The following ARHGAP26 variants were observed in gnomAD, a reference collection of about 807,000 sequenced individuals.
The protein encoded by ARHGAP26 is Rho GTPase activating protein 26.
ARHGAP26 carries 38 observed loss-of-function variants against 104.8 expected under a neutral mutation model. The observed-to-expected ratio is 0.36, with a 90% confidence interval of 0.28 to 0.48. The LOEUF is 0.48. Ranked by LOEUF, ARHGAP26 falls within the 20% of genes least tolerant of loss-of-function variation. The pLI is 0.99. For missense variants in ARHGAP26, 704 were observed against 947.9 expected (o/e 0.74, Z 3.38); for synonymous variants, 341 against 340.0 (o/e 1.00, Z -0.03).
intron 11 of ARHGAP26, among the ~76,000 whole-genome samples, chr5:142,954,084 A>G (rs1598376871): frequency 6.6e-6 from 1 of 152,334 alleles, no homozygotes; most frequent in South Asian, 2.1e-4. Flanking sequence ...GAGCTGTACA[A>G]ATATTATGCG....
chr5:143,028,322 C>T (rs1229547568), intron 12 of ARHGAP26, among the ~76,000 whole-genome samples: 1 of 152,170 alleles, frequency 6.6e-6, no homozygotes, highest in African/African-American at 2.4e-5. Context: ...AAAAACTTAG[C>T]AGAGATATTG....
chr5:143,227,096 A>G lies in ARHGAP26; in HGVS notation c.*4650A>G, dbSNP rs1046022371. 8.7e-6 allele frequency: 2 copies of G among 230,548 alleles called. No individual in the cohort carries two copies. The highest frequency in any genetic ancestry group is 2.2e-5 in the African/African-American group (1 of 45,166). 14.3% of individuals were successfully genotyped at this position (230,548 alleles called of 1,614,324 possible). A position where few individuals can be genotyped will look rare whatever the true frequency, so the allele number is the denominator to read the frequency against. ...CCCTGCCTGTCTGTTGGCACCTGTC[A>G]TCCTCTGGCTTCTGCTCCCAAAAGC... On this transcript the variant is annotated 3_prime_UTR_variant, in exon 23 of 23. Transcript: ENST00000645722.
At chr5:142,965,379 G>T (rs1164726295) in intron 11 of ARHGAP26, among the ~76,000 whole-genome samples, 24 of 152,198 alleles carry the variant, frequency 1.6e-4, no homozygotes, top group Non-Finnish European at 3.5e-4. Flanking sequence ...AGCGGGTATT[G>T]TTCCTTGACA....
chr5:143,171,374 G>A (rs566272367), intron 20 of ARHGAP26, among the ~76,000 whole-genome samples: 2 of 152,236 alleles, frequency 1.3e-5, no homozygotes, highest in Admixed American at 6.5e-5. Flanking sequence ...CTCATTCCTG[G>A]CCATGGTTTG....
intron 11 of ARHGAP26, among the ~76,000 whole-genome samples, chr5:142,951,915 G>A (rs1228615926): frequency 6.6e-6 from 1 of 152,242 alleles, no homozygotes; most frequent in Non-Finnish European, 1.5e-5. Context: ...TTGGAGGCCA[G>A]AAGTCCTGAA....
intron 10 of ARHGAP26, chr5:142,919,174 G>A: frequency 2.5e-6 from 1 of 398,350 alleles, no homozygotes; most frequent in Non-Finnish European, 4.4e-6. Context: ...CATTAGGGTG[G>A]GCCTTAATGC....
intron 17 of ARHGAP26, among the ~76,000 whole-genome samples, chr5:143,104,152 T>C (rs1599029370): frequency 3.9e-5 from 6 of 152,102 alleles, no homozygotes; most frequent in Admixed American, 3.9e-4. Context: ...ATATTAAAAT[T>C]TTCTAGGTGG....
chr5:142,940,929 G>T (rs1766200156), intron 11 of ARHGAP26, among the ~76,000 whole-genome samples: 1 of 151,814 alleles, frequency 6.6e-6, no homozygotes, highest in Admixed American at 6.6e-5. Context: ...ACAAAAATTA[G>T]CTGGGCATGG....
chr5:142,969,053 T>C (rs1771842675), intron 11 of ARHGAP26, among the ~76,000 whole-genome samples: 1 of 151,228 alleles, frequency 6.6e-6, no homozygotes, highest in Admixed American at 6.6e-5. Flanking sequence ...TGCCTCAGCC[T>C]CCCAATTAGC....
intron 21 of ARHGAP26, among the ~76,000 whole-genome samples, chr5:143,210,642 G>C (rs1230155965): frequency 6.6e-6 from 1 of 152,202 alleles, no homozygotes; most frequent in Non-Finnish European, 1.5e-5. Context: ...ATTTGCCCAG[G>C]GGTCCCTGGA....
At chr5:142,942,704 A>G (rs1766539595) in intron 11 of ARHGAP26, among the ~76,000 whole-genome samples, 1 of 152,242 alleles carries the variant, frequency 6.6e-6, no homozygotes. Flanking sequence ...TAACTCAGCC[A>G]GGAATTATAC....
At chr5:143,125,415 C>T (rs1267457203) in intron 18 of ARHGAP26, among the ~76,000 whole-genome samples, 8 of 152,216 alleles carry the variant, frequency 5.3e-5, no homozygotes, top group African/African-American at 1.9e-4. Flanking sequence ...CTCCTGGGAG[C>T]CATAGTGATG....
chr5:142,788,654 C>G (rs1282447269), intron 1 of ARHGAP26, among the ~76,000 whole-genome samples: 1 of 152,106 alleles, frequency 6.6e-6, no homozygotes, highest in African/African-American at 2.4e-5. Context: ...AGAGCTATTA[C>G]CTTGTATTAG....
At chr5:142,988,203 C>G (rs1314318533) in intron 11 of ARHGAP26, among the ~76,000 whole-genome samples, 3 of 152,116 alleles carry the variant, frequency 2.0e-5, no homozygotes, top group Admixed American at 6.5e-5. Flanking sequence ...TCAACTTCTT[C>G]CTGGTTTAGT....
intron 10 of ARHGAP26, 115 bp from the exon 11 acceptor site, chr5:142,931,932 G>A: frequency 1.0e-6 from 1 of 959,308 alleles, no homozygotes; most frequent in Non-Finnish European, 1.7e-6. Context: ...GCCCCTCTTT[G>A]TGTTGTTAAC....
chr5:142,870,425 A>T (rs1315680753), intron 1 of ARHGAP26, among the ~76,000 whole-genome samples: 1 of 152,174 alleles, frequency 6.6e-6, no homozygotes, highest in African/African-American at 2.4e-5. Context: ...TAGAGGGTTT[A>T]CCTTAATGGG....
At chr5:143,166,800 G>A (rs969016017) in intron 20 of ARHGAP26, among the ~76,000 whole-genome samples, 1 of 152,174 alleles carries the variant, frequency 6.6e-6, no homozygotes. Flanking sequence ...GAGCACGTTC[G>A]AAGACTGCCA....
At chr5:143,151,963 A>AG (rs1401714199) in intron 20 of ARHGAP26, among the ~76,000 whole-genome samples, 1 of 152,246 alleles carries the variant, frequency 6.6e-6, no homozygotes, top group Non-Finnish European at 1.5e-5. Context: ...CTCAAAAAAA[A>AG]GAAATCAATC....
intron 11 of ARHGAP26, among the ~76,000 whole-genome samples, chr5:142,997,495 A>T (rs1776577217): frequency 6.6e-6 from 1 of 151,538 alleles, no homozygotes; most frequent in African/African-American, 2.4e-5. Context: ...TGCAGCCTCG[A>T]TCCCTTGGGC....
Sources: gnomAD v4.1 joint callset for allele counts (sites outside exome capture counted in the v4.1 genomes callset) on GRCh38, gnomAD v4.1.1 for gene constraint, MANE v1.5 for transcripts, NCBI Gene and HGNC (gene_info 2026-07-23, HGNC 2026-07-21) for gene names.